The following ADGRL2 variants were observed in gnomAD, a reference collection of about 807,000 sequenced individuals.
The protein encoded by ADGRL2 is calcium-independent alpha-latrotoxin receptor 2.
In ADGRL2, 44 loss-of-function variants were observed where a neutral mutation model predicts 157.4. That is an observed-to-expected ratio of 0.28 (90% CI 0.22 to 0.36). ADGRL2 has a LOEUF of 0.36. Among genes scored for constraint, ADGRL2 ranks in the 10% least tolerant of loss-of-function variants. The pLI is 1.00. For missense variants in ADGRL2, 1,510 were observed against 1,768.9 expected, an observed-to-expected ratio of 0.85 and a Z score of 2.63; for synonymous variants, 585 against 624.7, an observed-to-expected ratio of 0.94 and a Z score of 0.95.
intron 3 of ADGRL2, 24 bp from the exon 4 acceptor site, chr1:81,936,704 A>C (rs2095315755): frequency 1.6e-6 from 2 of 1,232,236 alleles, no homozygotes; most frequent in Non-Finnish European, 2.4e-6. Flanking sequence ...ATGTTACACA[A>C]GTTTGATACA....
At chr1:81,921,187 A>G (rs1049595923) in intron 3 of ADGRL2, among the ~76,000 whole-genome samples, 2 of 152,332 alleles carry the variant, frequency 1.3e-5, no homozygotes, top group Non-Finnish European at 2.9e-5. Flanking sequence ...TTTACTTAAT[A>G]ATGTCATATC....
At chr1:81,530,982 G>A (rs910746564) in intron 2 of ADGRL2, among the ~76,000 whole-genome samples, 23 of 151,906 alleles carry the variant, frequency 1.5e-4, no homozygotes, top group African/African-American at 5.1e-4. Flanking sequence ...TACTTGGGAG[G>A]CTGAGGCAGA....
At chr1:81,500,634 A>G (rs2078825774) in intron 2 of ADGRL2, among the ~76,000 whole-genome samples, 1 of 152,150 alleles carries the variant, frequency 6.6e-6, no homozygotes, top group African/African-American at 2.4e-5. Context: ...AAAAGAGGTT[A>G]CCAGGGACTG....
intron 1 of ADGRL2, among the ~76,000 whole-genome samples, chr1:81,309,534 C>T (rs901503059): frequency 6.6e-6 from 1 of 152,084 alleles, no homozygotes; most frequent in Non-Finnish European, 1.5e-5. Flanking sequence ...TTCCACCCCC[C>T]ACAAATAGCA....
At chr1:81,958,391 T>TG (rs1336204210) in intron 11 of ADGRL2, among the ~76,000 whole-genome samples, 1 of 152,174 alleles carries the variant, frequency 6.6e-6, no homozygotes, top group African/African-American at 2.4e-5. Flanking sequence ...TCCTAGGACT[T>TG]GTCTTGTTCT....
chr1:81,359,089 AAAAG>A (rs1257132887), intron 1 of ADGRL2, among the ~76,000 whole-genome samples: 2 of 152,096 alleles, frequency 1.3e-5, no homozygotes, highest in Admixed American at 6.5e-5. Flanking sequence ...AAAATTAAAA[AAAAG>A]AAAGAAAAGA....
At chr1:81,460,479 T>C (rs1364814488) in intron 2 of ADGRL2, among the ~76,000 whole-genome samples, 1 of 152,176 alleles carries the variant, frequency 6.6e-6, no homozygotes, top group Non-Finnish European at 1.5e-5. Context: ...AAAAATTGCA[T>C]AATTTTACCT....
At chr1:81,336,858 AC>A (rs1264264349) in intron 1 of ADGRL2, among the ~76,000 whole-genome samples, 1 of 151,874 alleles carries the variant, frequency 6.6e-6, no homozygotes, top group African/African-American at 2.4e-5. Context: ...TTCAAAAACC[AC>A]CCTGGCCTGC....
chr1:81,410,082 G>T (rs1346731837), intron 1 of ADGRL2, among the ~76,000 whole-genome samples: 1 of 152,194 alleles, frequency 6.6e-6, no homozygotes, highest in Non-Finnish European at 1.5e-5. Context: ...ACTGTCACGT[G>T]ATCTTTACAT....
intron 1 of ADGRL2, among the ~76,000 whole-genome samples, chr1:81,310,134 A>G (rs1006468960): frequency 6.6e-6 from 1 of 152,168 alleles, no homozygotes; most frequent in Non-Finnish European, 1.5e-5. Context: ...AGATAAAGAA[A>G]AGAAATGAAG....
chr1:81,518,174 G>A (rs2079225464), intron 2 of ADGRL2, among the ~76,000 whole-genome samples: 1 of 152,242 alleles, frequency 6.6e-6, no homozygotes, highest in South Asian at 2.1e-4. Flanking sequence ...AGAGCAGGAA[G>A]GGCAGCGTGA....
At chr1:81,438,337 G>T (rs927901971) in intron 1 of ADGRL2, among the ~76,000 whole-genome samples, 6 of 151,912 alleles carry the variant, frequency 3.9e-5, no homozygotes, top group Admixed American at 3.9e-4. Flanking sequence ...CATAAATTTA[G>T]AATTAAATAA....
chr1:81,721,391 T>TTA (rs1174189804), intron 1 of ADGRL2, among the ~76,000 whole-genome samples: 1 of 152,132 alleles, frequency 6.6e-6, no homozygotes, highest in African/African-American at 2.4e-5. Flanking sequence ...ACTACTTTAG[T>TTA]TATATATCCA....
intron 1 of ADGRL2, among the ~76,000 whole-genome samples, chr1:81,715,471 A>G (rs2084083305): frequency 6.6e-6 from 1 of 152,136 alleles, no homozygotes; most frequent in African/African-American, 2.4e-5. Context: ...GCATCTTGTA[A>G]ATTCTTGTGC....
chr1:81,462,540 T>A (rs1460951143), intron 2 of ADGRL2, among the ~76,000 whole-genome samples: 1 of 152,060 alleles, frequency 6.6e-6, no homozygotes, highest in African/African-American at 2.4e-5. Context: ...CAGATTCTGG[T>A]GATTAATTTT....
At chr1:81,839,872 CAT>C (rs202169115) in intron 2 of ADGRL2, among the ~76,000 whole-genome samples, 8,875 of 128,904 alleles carry the variant, frequency 0.069, 611 homozygotes, top group South Asian at 0.14. Flanking sequence ...TATTTTCCAT[CAT>C]ATATATATAT....
chr1:81,744,990 C>T (rs1045067999), intron 1 of ADGRL2, among the ~76,000 whole-genome samples: 11 of 152,144 alleles, frequency 7.2e-5, no homozygotes, highest in African/African-American at 2.7e-4. Flanking sequence ...AACCAAAGTA[C>T]TCCAGTGCCT....
intron 3 of ADGRL2, among the ~76,000 whole-genome samples, chr1:81,660,101 C>T (rs2082621864): frequency 1.3e-5 from 2 of 152,106 alleles, no homozygotes. Context: ...CAGTAATGAA[C>T]TGGGTGTATT....
chr1:81,707,643 GTTA>G (rs2083781632), intron 1 of ADGRL2, among the ~76,000 whole-genome samples: 1 of 81,100 alleles, frequency 1.2e-5, no homozygotes. Context: ...TTGAATGTAT[GTTA>G]TTGTTGTTGT....
Sources: allele counts gnomAD v4.1 joint callset (sites outside exome capture counted in the v4.1 genomes callset), GRCh38; gene constraint gnomAD v4.1.1; transcripts MANE v1.5; gene names NCBI Gene and HGNC (gene_info 2026-07-23, HGNC 2026-07-21).